The following FAM184B variants were observed in gnomAD, a reference collection of about 807,000 sequenced individuals.
FAM184B encodes family with sequence similarity 184 member B.
FAM184B carries 111 observed loss-of-function variants against 135.9 expected under a neutral mutation model. The observed-to-expected ratio is 0.82, with a 90% CI of 0.70 to 0.96. The LOEUF is 0.96. Ranked by LOEUF, FAM184B falls within the 40% of genes least tolerant of loss-of-function variation. FAM184B has a pLI of 0.00. For missense variants in FAM184B, 1,375 were observed against 1,323.9 expected, an observed-to-expected ratio of 1.04 and a Z score of -0.60; for synonymous variants, 552 against 524.8, an observed-to-expected ratio of 1.05 and a Z score of -0.71.
intron 11 of FAM184B, among the ~76,000 whole-genome samples, chr4:17,649,963 C>G (rs904093338): frequency 1.3e-5 from 2 of 151,816 alleles, no homozygotes; most frequent in African/African-American, 4.8e-5. Flanking sequence ...AATCATCCAC[C>G]CATCCGTGTG....
chr4:17,688,571 G>GT, intron 6 of FAM184B, 40 bp from the exon 7 acceptor site: 1 of 1,432,050 alleles, frequency 7.0e-7, no homozygotes, highest in Non-Finnish European at 9.5e-7. Context: ...ATGAAACCAG[G>GT]TTCTACCTCC....
chr4:17,772,172 G>A (rs1379823059), intron 1 of FAM184B, among the ~76,000 whole-genome samples: 1 of 152,088 alleles, frequency 6.6e-6, no homozygotes, highest in Non-Finnish European at 1.5e-5. Context: ...GTGAAAAGTT[G>A]CCCTCTAGAA....
intron 7 of FAM184B, among the ~76,000 whole-genome samples, chr4:17,669,688 G>C (rs531959316): frequency 6.6e-6 from 1 of 152,138 alleles, no homozygotes; most frequent in African/African-American, 2.4e-5. Flanking sequence ...TCTAACGATA[G>C]AGCCTGAAAA....
At chr4:17,753,172 C>T (rs1215832637) in intron 1 of FAM184B, among the ~76,000 whole-genome samples, 1 of 152,212 alleles carries the variant, frequency 6.6e-6, no homozygotes, top group Non-Finnish European at 1.5e-5. Context: ...CCCAAATGGA[C>T]CTCCATTACC....
intron 13 of FAM184B, among the ~76,000 whole-genome samples, chr4:17,641,642 C>CTTTTTTT (rs1560165284): frequency 5.8e-5 from 2 of 34,450 alleles, no homozygotes; most frequent in Admixed American, 4.5e-4. Flanking sequence ...CCACGCCCGG[C>CTTTTTTT]CTTTTTTTTT....
chr4:17,719,308 C>A (rs886557163), intron 1 of FAM184B, among the ~76,000 whole-genome samples: 20 of 152,236 alleles, frequency 1.3e-4, no homozygotes, highest in African/African-American at 3.6e-4. Context: ...ATACTCTGGA[C>A]AAGGGTATGA....
In FAM184B at chr4:17,636,648, G is replaced by A. The variant is rs1041765368; in HGVS notation, c.2667-3C>T. ...GCTTCTCTCCGGAATCTTTCAGTCT[G>A]TTCCAAGCAGGCATGCAGTCAAGTC... On this transcript the variant is annotated splice_polypyrimidine_tract_variant and splice_region_variant and intron_variant, in intron 14 of 17. Coordinates refer to ENST00000265018, the MANE Select transcript of FAM184B (RefSeq NM_015688.2). 6.5e-7 allele frequency: 1 copy of A among 1,544,424 alleles called. No homozygotes were observed. The highest frequency in any genetic ancestry group is 8.7e-7 in the Non-Finnish European group (1 of 1,144,240).
Position 17,709,079 on chromosome 4 carries a change from A to G in FAM184B, c.707T>C (p.Met236Thr), listed in dbSNP as rs1214275859. 6.5e-7 allele frequency: 1 copy of G among 1,550,020 alleles called. No homozygotes were observed. The highest frequency in any genetic ancestry group is 1.2e-5 in the South Asian group (1 of 84,058). ...ERENEAIRQA[M>T]QQSVSQALWQ... is the part of the protein sequence containing the mutation. The stretch of plus-strand genomic sequence containing the variant: ...CAGGGCCTGGCTCACCGACTGCTGC[A>G]TGGCCTGCCGGATGGCCTCGTTTTC... The change falls in exon 2 of 18, where the codon ATG (methionine) becomes ACG (threonine). Residue 236 changes from methionine to threonine, a missense_variant. Coordinates refer to ENST00000265018, the MANE Select transcript of FAM184B (RefSeq NM_015688.2).
Position 17,739,555 on chromosome 4 carries a change from G to GT in FAM184B, c.142-29912dup, listed in dbSNP as rs397992408. The stretch of plus-strand genomic sequence containing the variant: ...CCCTACACCATATGTCATACCAACT[G>GT]TTTTTTTTTTTTTTTTGAGATGGGG... On this transcript the variant is annotated intron_variant, in intron 1 of 17. Coordinates refer to ENST00000265018, the MANE Select transcript of FAM184B (RefSeq NM_015688.2). Among the ~76,000 whole-genome samples the GT allele has an allele frequency of 6.4e-4, 40 of 62,512 alleles. 5 individuals carry two copies. Among genetic ancestry groups the GT allele is most frequent in the African/African-American group, 2.0e-3 (32 of 16,254 alleles). 41.0% of individuals were successfully genotyped at this position (62,512 alleles called of 152,430 possible).
intron 14 of FAM184B, 67 bp downstream of exon 14, chr4:17,639,183 G>A (rs1419867237): frequency 1.4e-6 from 2 of 1,454,396 alleles, no homozygotes; most frequent in Admixed American, 4.0e-5. Context: ...GGTCATTGGG[G>A]TGAGTTGGCC....
intron 10 of FAM184B, among the ~76,000 whole-genome samples, chr4:17,657,260 A>G (rs1249543721): frequency 2.6e-5 from 4 of 152,186 alleles, no homozygotes; most frequent in Non-Finnish European, 5.9e-5. Flanking sequence ...CACATGGCCA[A>G]ATCTGTCAGA....
chr4:17,639,803 CTA>C (rs1715254731), intron 13 of FAM184B, among the ~76,000 whole-genome samples: 1 of 151,592 alleles, frequency 6.6e-6, no homozygotes, highest in Non-Finnish European at 1.5e-5. Context: ...TCCCTAACAA[CTA>C]CACTGCAGTG....
intron 7 of FAM184B, among the ~76,000 whole-genome samples, chr4:17,686,199 G>T (rs1467524879): frequency 2.0e-5 from 3 of 152,200 alleles, no homozygotes; most frequent in Non-Finnish European, 4.4e-5. Context: ...TGGAATGCTA[G>T]CTCATGAGAC....
At chr4:17,693,185 C>A (rs1716774690) in intron 6 of FAM184B, 117 bp downstream of exon 6, 2 of 687,344 alleles carry the variant, frequency 2.9e-6, no homozygotes, top group Non-Finnish European at 4.9e-6. Context: ...CCGAGACAGC[C>A]TGCCTGTCTG....
At chr4:17,729,503 G>A (rs1717723755) in intron 1 of FAM184B, among the ~76,000 whole-genome samples, 1 of 152,224 alleles carries the variant, frequency 6.6e-6, no homozygotes, top group Non-Finnish European at 1.5e-5. Context: ...CCCCCCAGTA[G>A]GGGCAGAATG....
chr4:17,723,897 C>T (rs1282886849), intron 1 of FAM184B, among the ~76,000 whole-genome samples: 3 of 152,060 alleles, frequency 2.0e-5, no homozygotes, highest in Non-Finnish European at 4.4e-5. Context: ...TTGTTCGTGC[C>T]CTGTGGTTCC....
chr4:17,669,031 C>T (rs1716114714), intron 7 of FAM184B, among the ~76,000 whole-genome samples: 2 of 152,054 alleles, frequency 1.3e-5, no homozygotes, highest in Non-Finnish European at 2.9e-5. Flanking sequence ...TGTTATAAAC[C>T]CTACAGCCAG....
intron 13 of FAM184B, among the ~76,000 whole-genome samples, chr4:17,641,810 T>C (rs1715324769): frequency 6.6e-6 from 1 of 152,012 alleles, no homozygotes; most frequent in South Asian, 2.1e-4. Context: ...ACTCCCTCTT[T>C]TATTTCAAGG....
chr4:17,707,647 AC>A lies in FAM184B; in HGVS notation c.1030+1del. 1 of 1,551,386 alleles carries A rather than the reference AC, an allele frequency of 6.4e-7. No homozygotes were observed. Among genetic ancestry groups the A allele is most frequent in the Non-Finnish European group, 8.7e-7 (1 of 1,146,904 alleles). ...TAAGGAAATCATTCCAGGGCATCTC[AC>A]CTGTCTGCTGTGTCCCACGACACTC... is the stretch of plus-strand genomic sequence containing the variant. On this transcript the variant is annotated splice_donor_variant, in intron 3 of 17. Transcript: ENST00000265018. LOFTEE classifies it high-confidence loss of function.
Sources: gnomAD v4.1 joint callset for allele counts (sites outside exome capture counted in the v4.1 genomes callset) on GRCh38, gnomAD v4.1.1 for gene constraint, MANE v1.5 for transcripts, NCBI Gene and HGNC (gene_info 2026-07-23, HGNC 2026-07-21) for gene names.